The following MAF variants were observed in gnomAD, a reference collection of about 807,000 sequenced individuals.
MAF encodes transcription factor Maf.
A neutral mutation model predicts 22.0 loss-of-function variants in MAF; 10 were observed. That is an observed-to-expected ratio of 0.45 (90% CI 0.28 to 0.77). The LOEUF is 0.77. MAF is among the 30% of genes least tolerant of loss of function. MAF has a pLI of 0.12. For missense variants in MAF, 544 were observed against 548.4 expected (o/e 0.99, Z 0.08); for synonymous variants, 337 against 255.8 (o/e 1.32, Z -3.03).
chr16:79,229,987 G>T, the MAF span, among the ~76,000 whole-genome samples: 1 of 150,156 alleles, frequency 6.7e-6, no homozygotes, highest in Non-Finnish European at 1.5e-5. Flanking sequence ...CAATTTGCAG[G>T]ATAGTTGCTT....
the MAF span, among the ~76,000 whole-genome samples, chr16:79,491,917 C>A: frequency 6.6e-6 from 1 of 152,164 alleles, no homozygotes; most frequent in Non-Finnish European, 1.5e-5. Context: ...CCCAGCCAGG[C>A]CTTCATAAAC....
chr16:79,412,093 A>G, the MAF span, among the ~76,000 whole-genome samples: 1 of 152,220 alleles, frequency 6.6e-6, no homozygotes, highest in Admixed American at 6.5e-5. Flanking sequence ...AATGATTGAA[A>G]TATATGAGGA....
the MAF span, among the ~76,000 whole-genome samples, chr16:79,496,832 T>G: frequency 1.3e-5 from 2 of 152,270 alleles, no homozygotes; most frequent in African/African-American, 4.8e-5. Flanking sequence ...ACAAAGTAGG[T>G]TTTGATTTTC....
the MAF span, among the ~76,000 whole-genome samples, chr16:79,331,129 A>G: frequency 1.3e-5 from 2 of 152,202 alleles, no homozygotes. Flanking sequence ...TAACTCAGCA[A>G]GTGGATCCAC....
chr16:79,343,238 ACC>A, the MAF span, among the ~76,000 whole-genome samples: 2 of 146,384 alleles, frequency 1.4e-5, no homozygotes, highest in Admixed American at 6.9e-5. Flanking sequence ...ATCAGCCCCA[ACC>A]CCCCCCCAAA....
the MAF span, among the ~76,000 whole-genome samples, chr16:79,493,424 C>T: frequency 6.6e-6 from 1 of 152,174 alleles, no homozygotes; most frequent in Non-Finnish European, 1.5e-5. Context: ...TCATGATCCA[C>T]CCACCTCAGC....
At chr16:79,277,325 C>A in the MAF span, among the ~76,000 whole-genome samples, 2 of 152,280 alleles carry the variant, frequency 1.3e-5, no homozygotes, top group South Asian at 4.1e-4. Flanking sequence ...GGGGGGTGCC[C>A]ATTCCACCCA....
chr16:79,228,585 A>G, the MAF span, among the ~76,000 whole-genome samples: 1 of 152,034 alleles, frequency 6.6e-6, no homozygotes, highest in Non-Finnish European at 1.5e-5. Context: ...GTGTTTCCTC[A>G]CTGGCTCATG....
the MAF span, among the ~76,000 whole-genome samples, chr16:79,569,238 C>A: frequency 6.6e-6 from 1 of 152,210 alleles, no homozygotes; most frequent in Non-Finnish European, 1.5e-5. Flanking sequence ...GAATGTTTAG[C>A]ATTATCCCTC....
the MAF span, chr16:79,205,239 GT>G: frequency 6.6e-6 from 1 of 152,174 alleles, no homozygotes; most frequent in Admixed American, 6.6e-5. Context: ...TGCATTTATG[GT>G]GATGGACTGG....
chr16:79,207,389 A>G, the MAF span, among the ~76,000 whole-genome samples: 1 of 152,228 alleles, frequency 6.6e-6, no homozygotes. Flanking sequence ...CTGGGACGTT[A>G]GTCATGGGAA....
the MAF span, among the ~76,000 whole-genome samples, chr16:79,483,101 G>C: frequency 1.1e-3 from 3 of 2,632 alleles, no homozygotes; most frequent in Non-Finnish European, 2.4e-3. Context: ...TCCTCCCTCT[G>C]TCCCTACTTC....
At chr16:79,213,296 C>G in the MAF span, among the ~76,000 whole-genome samples, 1 of 146,782 alleles carries the variant, frequency 6.8e-6, no homozygotes, top group Admixed American at 6.6e-5. Flanking sequence ...GCAGAGCAGT[C>G]GAACAAACAA....
the MAF span, among the ~76,000 whole-genome samples, chr16:79,237,815 C>G: frequency 6.6e-6 from 1 of 152,072 alleles, no homozygotes; most frequent in Non-Finnish European, 1.5e-5. Flanking sequence ...TTGTGATAAT[C>G]CAAAATATTT....
chr16:79,215,293 G>A, the MAF span, among the ~76,000 whole-genome samples: 2 of 152,002 alleles, frequency 1.3e-5, no homozygotes, highest in African/African-American at 4.8e-5. Context: ...TGTTGACCAG[G>A]CTAGTCTGGA....
the MAF span, among the ~76,000 whole-genome samples, chr16:79,208,550 C>T: frequency 6.6e-6 from 1 of 152,126 alleles, no homozygotes; most frequent in Non-Finnish European, 1.5e-5. Context: ...ATGGCTCTTT[C>T]ATCTTTTCTG....
At chr16:79,343,471 T>C in the MAF span, among the ~76,000 whole-genome samples, 29 of 152,194 alleles carry the variant, frequency 1.9e-4, no homozygotes, top group African/African-American at 6.7e-4. Context: ...TTCCACGGAG[T>C]CCACAAAAAA....
the MAF span, among the ~76,000 whole-genome samples, chr16:79,522,132 A>C: frequency 7.2e-5 from 11 of 152,156 alleles, no homozygotes; most frequent in Non-Finnish European, 1.5e-5. Flanking sequence ...CATGAGATTC[A>C]GAGGGGTTGA....
At chr16:79,245,861 G>A in the MAF span, among the ~76,000 whole-genome samples, 33 of 152,042 alleles carry the variant, frequency 2.2e-4, 2 homozygotes, top group Admixed American at 2.1e-3. Flanking sequence ...TACACACCAT[G>A]GAATACTATG....
Sources: allele counts gnomAD v4.1 joint callset (sites outside exome capture counted in the v4.1 genomes callset), GRCh38; gene constraint gnomAD v4.1.1; transcripts MANE v1.5; gene names NCBI Gene and HGNC (gene_info 2026-07-23, HGNC 2026-07-21).